The following OSBPL5 variants were observed in gnomAD, a reference collection of about 807,000 sequenced individuals.
OSBPL5 encodes the protein oxysterol binding protein like 5.
In OSBPL5, 71 loss-of-function variants were observed where a neutral mutation model predicts 111.2. That is an observed-to-expected ratio of 0.64 (90% CI 0.53 to 0.78). The LOEUF (loss-of-function observed/expected upper bound fraction) is 0.78, where lower values mean the gene tolerates loss of function less well. OSBPL5 is among the 30% of genes least tolerant of loss of function. The pLI is 0.00. For synonymous variants in OSBPL5, 549 were observed against 513.9 expected (o/e 1.07, Z -0.93); for missense variants, 1,210 against 1,189.3 (o/e 1.02, Z -0.26).
Position 3,165,130 on chromosome 11 carries a change from G to C in OSBPL5, c.-22+86C>G, listed in dbSNP as rs1181648804. On this transcript the variant is annotated intron_variant, in intron 1 of 21. Coordinates refer to ENST00000263650, the MANE Select transcript of OSBPL5 (RefSeq NM_020896.4). This position sits in a 1 kb window ranked among gnomAD's most constrained non-coding sequence, Gnocchi z 7.4. ...CCCCCCGCGGCCCTCGGTTCGCTCC[G>C]GCCCTGCCCGGCGGGGCCCTCCGGA... 1 of 150,626 alleles carries C rather than the reference G, an allele frequency of 6.6e-6. No homozygotes were observed. Among genetic ancestry groups the C allele is most frequent in the African/African-American group, 2.4e-5 (1 of 41,242 alleles). The allele number at this position is 150,626 out of a possible 1,614,324, so 9.3% of individuals were successfully genotyped here. A position where few individuals can be genotyped will look rare whatever the true frequency, so the allele number is the denominator to read the frequency against.
chr11:3,132,643 G>A lies in OSBPL5; in HGVS notation c.-21-3474C>T, dbSNP rs116954716. ...GTTCCCATTCCTGCTGAATGTGCCC[G>A]CCCACCATCTCCACATGGCCCGGTC... On this transcript the variant is annotated intron_variant, in intron 1 of 21. Transcript: ENST00000263650. Among the ~76,000 whole-genome samples the A allele has an allele frequency of 3.1e-3, 467 of 151,832 alleles. 3 individuals are homozygous for A. The highest frequency in any genetic ancestry group is 3.2e-3 in the Non-Finnish European group (220 of 67,988).
intron 1 of OSBPL5, among the ~76,000 whole-genome samples, chr11:3,152,315 G>A (rs546362404): frequency 2.6e-5 from 4 of 152,224 alleles, no homozygotes; most frequent in Non-Finnish European, 5.9e-5. Context: ...TGATTAACAC[G>A]TCTTCTAGGT....
rs1028049863 is a variant in OSBPL5 at position 3,100,168 on chromosome 11, G to A, written c.1611C>T (p.Ala537=). 1 of 1,613,998 alleles carries A rather than the reference G, an allele frequency of 6.2e-7. No individual in the cohort carries two copies. The highest frequency in any genetic ancestry group is 8.5e-7 in the Non-Finnish European group (1 of 1,180,018). The part of the protein sequence containing the change: ...AEDYTLTMPY[A]HCKGILYGTM... ...GGCTGAGCCTCTCACCTTTGCAGTG[G>A]GCGTAGGGCATGGTAAGGGTGTAAT... Residue 537 remains alanine, a synonymous_variant, in exon 14 of 22, where the codon GCC becomes GCT. Transcript: ENST00000263650.
intron 7 of OSBPL5, among the ~76,000 whole-genome samples, chr11:3,117,747 AT>A (rs111623249): frequency 0.017 from 2,514 of 151,904 alleles, 76 homozygotes; most frequent in African/African-American, 0.057. Context: ...TTTTTCCTTC[AT>A]TTTTTTCCCA....
Position 3,110,581 on chromosome 11 carries a change from G to A in OSBPL5, c.692-2636C>T, listed in dbSNP as rs565547060. Among the ~76,000 whole-genome samples, 2 of 152,210 alleles carry A rather than the reference G, an allele frequency of 1.3e-5. No homozygotes were observed. Among genetic ancestry groups the A allele is most frequent in the African/African-American group, 4.8e-5 (2 of 41,526 alleles). ...TGCCTGGTGTGAAAGGAAAATCTTG[G>A]GCCCCTCAAATCACTAAGCTAAAGG... On this transcript the variant is annotated intron_variant, in intron 7 of 21. Coordinates refer to ENST00000263650, the MANE Select transcript of OSBPL5 (RefSeq NM_020896.4). The surrounding 1 kb of genome is among the most constrained non-coding windows in gnomAD (Gnocchi z 5.3).
rs1397357730 is a variant in OSBPL5, at chr11:3,142,650, T to C, written c.-21-13481A>G. Among the ~76,000 whole-genome samples, 1 of 152,184 alleles carries C rather than the reference T, an allele frequency of 6.6e-6. No homozygotes were observed. Among genetic ancestry groups the C allele is most frequent in the African/African-American group, 2.4e-5 (1 of 41,464 alleles). ...GTGGTGCGTTTATCAACAGGACCGC[T>C]GGTTTCATGTCTCTGTCTCTCCTCA... On this transcript the variant is annotated intron_variant, in intron 1 of 21. Transcript: ENST00000263650. The surrounding 1 kb of genome is among the most constrained non-coding windows in gnomAD (Gnocchi z 7.1).
rs952339248 is a variant in OSBPL5, at chr11:3,113,519, T to C, written c.692-5574A>G. Among the ~76,000 whole-genome samples the C allele has an allele frequency of 6.6e-6, 1 of 151,990 alleles. No individual in the cohort carries two copies. On this transcript the variant is annotated intron_variant, in intron 7 of 21. Coordinates refer to ENST00000263650, the MANE Select transcript of OSBPL5 (RefSeq NM_020896.4). This position sits in a 1 kb window ranked among gnomAD's most constrained non-coding sequence, Gnocchi z 4.8. ...AAAATACAAAAATTAGCCAGGTGTG[T>C]TGGCAGGCACCTGTAATCCCAGCTA...
At chr11:3,089,972 A>G (rs1434564203) in intron 20 of OSBPL5, 24 bp from the exon 21 acceptor site, 6 of 1,500,008 alleles carry the variant, frequency 4.0e-6, no homozygotes, top group East Asian at 2.5e-5. Flanking sequence ...GAGTGAGACA[A>G]AGGAGGGGAG....
chr11:3,096,947 G>GAA (rs1857276159), intron 14 of OSBPL5, among the ~76,000 whole-genome samples: 2 of 126,796 alleles, frequency 1.6e-5, no homozygotes, highest in African/African-American at 3.0e-5. Context: ...AAAGAGGGAG[G>GAA]AGATGGGAGG....
Position 3,126,406 on chromosome 11 carries a change from C to T in OSBPL5, c.219+67G>A, listed in dbSNP as rs1383291680. 10 of 1,408,416 alleles carry T rather than the reference C, an allele frequency of 7.1e-6. No homozygotes were observed. In the East Asian group the frequency reaches 1.8e-4, roughly 25 times the overall value. The allele number at this position is 1,408,416 out of a possible 1,614,324, so 87.2% of individuals were successfully genotyped here. A position where few individuals can be genotyped will look rare whatever the true frequency, so the allele number is the denominator to read the frequency against. On this transcript the variant is annotated intron_variant, in intron 3 of 21. Coordinates refer to ENST00000263650, the MANE Select transcript of OSBPL5 (RefSeq NM_020896.4). This position sits in a 1 kb window ranked among gnomAD's most constrained non-coding sequence, Gnocchi z 6.5. Reference sequence around the variant, plus strand: ...CTGGACGCCCTGCTGTCCTTTTCCCCAGCCGTTTCCTGCTGTCCCCAGAGC... The same window carrying T: ...CTGGACGCCCTGCTGTCCTTTTCCCTAGCCGTTTCCTGCTGTCCCCAGAGC...
intron 12 of OSBPL5, 81 bp from the exon 13 acceptor site, chr11:3,101,780 ACCTGTC>A (rs1219613362): frequency 5.9e-6 from 7 of 1,178,504 alleles, no homozygotes; most frequent in South Asian, 1.3e-5. Context: ...CCCCCAAAAA[ACCTGTC>A]CCTGTCCCTG....
At position 3,104,410 on chromosome 11, in the gene OSBPL5, C is replaced by T. The variant is rs760317528; in HGVS notation, c.1060-33G>A. 7 of 1,594,522 alleles carry T rather than the reference C, an allele frequency of 4.4e-6. No homozygotes were observed. Among genetic ancestry groups the T allele is most frequent in the East Asian group, 2.2e-5 (1 of 44,682 alleles). On this transcript the variant is annotated intron_variant, in intron 9 of 21. Transcript: ENST00000263650. The surrounding 1 kb of genome is among the most constrained non-coding windows in gnomAD (Gnocchi z 5.0). ...AGACAGGCTGCAGTCAGGCCCTGCC[C>T]GGAAGAGCCGGGAGGAAGGGGTGGC...
chr11:3,152,098 G>A (rs1020633239), intron 1 of OSBPL5, among the ~76,000 whole-genome samples: 1 of 152,210 alleles, frequency 6.6e-6, no homozygotes, highest in Admixed American at 6.5e-5. Flanking sequence ...AAGAGTATGG[G>A]TCTTTATGGT....
rs1397113764 is a variant in OSBPL5, at chr11:3,154,950, A to G, written c.-22+10266T>C. 6.6e-6 allele frequency among the ~76,000 whole-genome samples: 1 copy of G among 152,192 alleles called. No individual in the cohort carries two copies. The highest frequency in any genetic ancestry group is 1.5e-5 in the Non-Finnish European group (1 of 68,046). On this transcript the variant is annotated intron_variant, in intron 1 of 21. Coordinates refer to ENST00000263650, the MANE Select transcript of OSBPL5 (RefSeq NM_020896.4). The surrounding 1 kb of genome is among the most constrained non-coding windows in gnomAD (Gnocchi z 4.9). ...AATAATAAAAAGAGCCCATTAAATTAAAACAGGTCATTAGGGTGGGCCCTA... is the reference window on the plus strand; with the variant it reads ...AATAATAAAAAGAGCCCATTAAATTGAAACAGGTCATTAGGGTGGGCCCTA...
intron 14 of OSBPL5, among the ~76,000 whole-genome samples, chr11:3,099,843 C>T (rs1238229404): frequency 2.0e-5 from 3 of 152,098 alleles, no homozygotes; most frequent in African/African-American, 4.8e-5. Flanking sequence ...CCGAGGCGGG[C>T]GGATCACCTG....
intron 14 of OSBPL5, among the ~76,000 whole-genome samples, chr11:3,097,468 T>C (rs1423848424): frequency 2.6e-5 from 4 of 152,084 alleles, no homozygotes; most frequent in Admixed American, 2.0e-4. Flanking sequence ...TTCCTCTGTG[T>C]CCCAGAAACA....
At chr11:3,137,765 T>C (rs1381469780) in intron 1 of OSBPL5, among the ~76,000 whole-genome samples, 1 of 152,194 alleles carries the variant, frequency 6.6e-6, no homozygotes, top group African/African-American at 2.4e-5. Flanking sequence ...GCCATGGTCA[T>C]GCCACTGCAC....
Position 3,088,816 on chromosome 11 carries a change from C to T in OSBPL5, c.2502-473G>A, listed in dbSNP as rs144179054. Among the ~76,000 whole-genome samples, 8 of 152,274 alleles carry T rather than the reference C, an allele frequency of 5.3e-5. No homozygotes were observed. The East Asian group carries it at 5.8e-4, about 11-fold the overall frequency. ...AGAAGAGATGAAGACACAGACACAGCGAGAAGCTGGCGTCTGCCAGGCAGG... is the reference window on the plus strand; with the variant it reads ...AGAAGAGATGAAGACACAGACACAGTGAGAAGCTGGCGTCTGCCAGGCAGG... On this transcript the variant is annotated intron_variant, in intron 21 of 21. Coordinates refer to ENST00000263650, the MANE Select transcript of OSBPL5 (RefSeq NM_020896.4).
intron 1 of OSBPL5, among the ~76,000 whole-genome samples, chr11:3,131,851 A>C: frequency 1.8e-5 from 2 of 110,472 alleles, no homozygotes; most frequent in African/African-American, 8.3e-5. Context: ...CCATCCACCC[A>C]CCAAACCATC....
Sources: allele counts gnomAD v4.1 joint callset (sites outside exome capture counted in the v4.1 genomes callset), GRCh38; gene constraint gnomAD v4.1.1; non-coding constraint Gnocchi (gnomAD v3.1); transcripts MANE v1.5; gene names NCBI Gene and HGNC (gene_info 2026-07-23, HGNC 2026-07-21).